LDB3: variants seen among roughly 807,000 people sequenced by gnomAD.
The protein encoded by LDB3 is LIM domain binding 3.
In LDB3, 49 loss-of-function variants were observed where a neutral mutation model predicts 69.0. That is an observed-to-expected ratio of 0.71 (90% confidence interval 0.56 to 0.90). The LOEUF (loss-of-function observed/expected upper bound fraction) is 0.90. LDB3 is among the 40% of genes least tolerant of loss of function. LDB3 has a pLI of 0.00. For synonymous variants in LDB3, 387 were observed against 396.2 expected (o/e 0.98, Z 0.28); for missense variants, 928 against 974.1 (o/e 0.95, Z 0.63).
intron 2 of LDB3, among the ~76,000 whole-genome samples, chr10:86,669,949 A>G (rs542103564): frequency 3.5e-4 from 53 of 152,200 alleles, no homozygotes; most frequent in Non-Finnish European, 6.2e-4. Flanking sequence ...TGAAGTGGGC[A>G]AGGCCTGAAG....
intron 9 of LDB3, among the ~76,000 whole-genome samples, chr10:86,712,276 G>A (rs945602127): frequency 1.3e-5 from 2 of 152,210 alleles, no homozygotes; most frequent in Non-Finnish European, 2.9e-5. Flanking sequence ...GTGTTGTGGG[G>A]GCTGGAAAAG....
Position 86,733,368 on chromosome 10 carries a change from G to A in LDB3, c.*392G>A, listed in dbSNP as rs190258456. 2.4e-4 allele frequency: 61 copies of A among 254,936 alleles called. No individual in the cohort carries two copies. In the East Asian group the frequency reaches 6.1e-3, roughly 26 times the overall value. 15.8% of individuals were successfully genotyped at this position (254,936 alleles called of 1,614,324 possible). ...GAAGCATTCTGCGGAGTTCTTAAGC[G>A]CTCCCCTGGCAAACAAATTGAAGTG... On this transcript the variant is annotated 3_prime_UTR_variant, in exon 14 of 14. Coordinates refer to ENST00000361373, the MANE Select transcript of LDB3 (RefSeq NM_007078.3).
intron 7 of LDB3, among the ~76,000 whole-genome samples, chr10:86,704,419 CTT>C (rs869228246): frequency 1.4e-5 from 2 of 142,524 alleles, no homozygotes; most frequent in Admixed American, 7.1e-5. Flanking sequence ...AGGGTAATTT[CTT>C]TTTTTTTTTT....
At chr10:86,724,704 C>T (rs1173908173) in intron 12 of LDB3, among the ~76,000 whole-genome samples, 3 of 151,836 alleles carry the variant, frequency 2.0e-5, no homozygotes, top group African/African-American at 2.4e-5. Context: ...GAGGATTAAA[C>T]AGGAGGCATA....
chr10:86,701,624 A>G (rs1163757620), intron 7 of LDB3, among the ~76,000 whole-genome samples: 1 of 152,212 alleles, frequency 6.6e-6, no homozygotes, highest in Non-Finnish European at 1.5e-5. Context: ...TTGATCATGT[A>G]TGGTCCAGAG....
Position 86,690,514 on chromosome 10 carries a change from G to A in LDB3, c.690-1382G>A, listed in dbSNP as rs75912573. 3.0e-4 allele frequency among the ~76,000 whole-genome samples: 45 copies of A among 152,324 alleles called. 3 individuals are homozygous for A. In the East Asian group the frequency reaches 6.8e-3, roughly 23 times the overall value. On this transcript the variant is annotated intron_variant, in intron 5 of 13. Transcript: ENST00000361373. Reference sequence around the variant, plus strand: ...TCTGGGCCAGGGCAGGGCCTTCAGCGAAGCCAGGGCAGCTCCACCCAACCT... The same window carrying A: ...TCTGGGCCAGGGCAGGGCCTTCAGCAAAGCCAGGGCAGCTCCACCCAACCT...
chr10:86,718,795 T>G lies in LDB3; in HGVS notation c.1926T>G (p.Pro642=). ...TCGTCTGTGCGGCCTGCAAGAAGCC[T>G]TTTGGGAACAGCCTCTTCCACATGG... The part of the protein sequence containing the change: ...TCFVCAACKK[P]FGNSLFHMED... Residue 642 remains proline (P), a synonymous_variant, in exon 12 of 14, where the codon CCT becomes CCG. Transcript: ENST00000361373. 1 of 1,614,102 alleles carries G rather than the reference T, an allele frequency of 6.2e-7. No individual in the cohort carries two copies. Among genetic ancestry groups the G allele is most frequent in the Non-Finnish European group, 8.5e-7 (1 of 1,180,002 alleles).
chr10:86,732,536 A>G (rs1276666100), intron 13 of LDB3: 5 of 458,448 alleles, frequency 1.1e-5, no homozygotes, highest in Middle Eastern at 3.6e-4. Flanking sequence ...CAGTCTTGCT[A>G]TGTTGCCCAG....
chr10:86,686,075 C>A (rs1040490154), intron 5 of LDB3, among the ~76,000 whole-genome samples: 3 of 152,178 alleles, frequency 2.0e-5, no homozygotes, highest in African/African-American at 7.2e-5. Context: ...AAGGGCTGCA[C>A]TGGATCTTGT....
At chr10:86,677,484 C>T (rs577274799) in intron 2 of LDB3, among the ~76,000 whole-genome samples, 5 of 152,060 alleles carry the variant, frequency 3.3e-5, no homozygotes, top group Non-Finnish European at 5.9e-5. Flanking sequence ...TACTGGAGGC[C>T]GGGGGTGCAG....
intron 2 of LDB3, among the ~76,000 whole-genome samples, chr10:86,677,685 C>T (rs966094910): frequency 6.6e-6 from 1 of 152,142 alleles, no homozygotes; most frequent in African/African-American, 2.4e-5. Flanking sequence ...ATTATCGGGG[C>T]TCAGGGTTTG....
intron 2 of LDB3, among the ~76,000 whole-genome samples, chr10:86,671,392 G>C (rs958886933): frequency 6.6e-6 from 1 of 152,166 alleles, no homozygotes; most frequent in Non-Finnish European, 1.5e-5. Flanking sequence ...GCTCCCGGGG[G>C]CTCATGGCAG....
At position 86,689,515 on chromosome 10, in the gene LDB3, C is replaced by T. The variant is rs538710181; in HGVS notation, c.690-2381C>T. The stretch of plus-strand genomic sequence containing the variant: ...TCACAGAAATCACAGAGTAGTGACA[C>T]TCATGCTGCAGGCCCAGGCTGGGGG... On this transcript the variant is annotated intron_variant, in intron 5 of 13. Transcript: ENST00000361373. Among the ~76,000 whole-genome samples the T allele has an allele frequency of 2.0e-5, 3 of 152,362 alleles. No individual in the cohort carries two copies. In the East Asian group the frequency reaches 5.8e-4, roughly 29 times the overall value.
At chr10:86,718,868 T>C (rs369919357) in intron 12 of LDB3, 21 bp downstream of exon 12, 12 of 1,613,696 alleles carry the variant, frequency 7.4e-6, no homozygotes, top group African/African-American at 5.3e-5. Context: ...TTCGATGGCA[T>C]GTGGGGAGGC....
chr10:86,676,918 G>A (rs1256155556), intron 2 of LDB3, among the ~76,000 whole-genome samples: 1 of 152,264 alleles, frequency 6.6e-6, no homozygotes, highest in African/African-American at 2.4e-5. Flanking sequence ...TGGGGCAAGG[G>A]ACTGTCCCCA....
At chr10:86,720,162 T>C (rs368686608) in intron 12 of LDB3, among the ~76,000 whole-genome samples, 3 of 152,208 alleles carry the variant, frequency 2.0e-5, no homozygotes, top group African/African-American at 7.2e-5. Context: ...ATAAACGTTT[T>C]GGCTGGGCGC....
Position 86,699,706 on chromosome 10 carries a change from A to C in LDB3, c.897-6825A>C. The C allele has an allele frequency of 8.5e-7, 1 of 1,171,982 alleles. No homozygotes were observed. Among genetic ancestry groups the C allele is most frequent in the East Asian group, 5.3e-5 (1 of 19,014 alleles). 72.6% of individuals were successfully genotyped at this position (1,171,982 alleles called of 1,614,324 possible). On this transcript the variant is annotated intron_variant, in intron 7 of 13. Transcript: ENST00000361373. The surrounding 1 kb of genome is among the most constrained non-coding windows in gnomAD (Gnocchi z 4.9). Reference sequence around the variant, plus strand: ...GGGTTTGCTGGCATAACACCCCAGAACCAAGGGAAATGGATGGGCCGCTGC... The same window carrying C: ...GGGTTTGCTGGCATAACACCCCAGACCCAAGGGAAATGGATGGGCCGCTGC...
At chr10:86,698,091 C>T (rs1004176242) in intron 7 of LDB3, among the ~76,000 whole-genome samples, 19 of 152,210 alleles carry the variant, frequency 1.2e-4, no homozygotes, top group Non-Finnish European at 2.6e-4. Context: ...CCAGCACCCA[C>T]CCACCTCCTT....
intron 4 of LDB3, among the ~76,000 whole-genome samples, chr10:86,681,168 C>T (rs931365704): frequency 6.6e-6 from 1 of 152,254 alleles, no homozygotes; most frequent in South Asian, 2.1e-4. Context: ...TTCCTCGGGC[C>T]CTGGGGGCAG....
Sources: gnomAD v4.1 joint callset for allele counts (sites outside exome capture counted in the v4.1 genomes callset) on GRCh38, gnomAD v4.1.1 for gene constraint, Gnocchi (gnomAD v3.1) non-coding constraint, MANE v1.5 for transcripts, NCBI Gene and HGNC (gene_info 2026-07-23, HGNC 2026-07-21) for gene names.